Variants in MB21D2 observed in about 807,000 individuals in gnomAD.
The protein encoded by MB21D2 is Mab-21 domain containing 2.
MB21D2 carries 9 observed loss-of-function variants against 33.3 expected under a neutral mutation model. That is an observed-to-expected ratio of 0.27 (90% CI 0.16 to 0.47). MB21D2 has a LOEUF of 0.47. Among genes scored for constraint, MB21D2 ranks in the 20% least tolerant of loss-of-function variants. The pLI is 0.99. For synonymous variants in MB21D2, 241 were observed against 236.3 expected (o/e 1.02, Z -0.18); for missense variants, 540 against 624.6 (o/e 0.86, Z 1.44).
At chr3:192,806,122 T>A (rs1465367037) in intron 1 of MB21D2, among the ~76,000 whole-genome samples, 2 of 152,196 alleles carry the variant, frequency 1.3e-5, no homozygotes, top group African/African-American at 4.8e-5. Flanking sequence ...TAGCTCTTTC[T>A]TGTCCTCTCA....
chr3:192,869,139 C>T (rs1019865063), intron 1 of MB21D2, among the ~76,000 whole-genome samples: 1 of 151,824 alleles, frequency 6.6e-6, no homozygotes, highest in Non-Finnish European at 1.5e-5. Flanking sequence ...CCCTGTAATC[C>T]CACTTACTCA....
At chr3:192,917,100 G>C (rs1333017627) in intron 1 of MB21D2, among the ~76,000 whole-genome samples, 4 of 152,228 alleles carry the variant, frequency 2.6e-5, no homozygotes, top group African/African-American at 9.6e-5. Flanking sequence ...TTTGGCCACC[G>C]GGGGCTCGGC....
At chr3:192,878,859 G>A (rs1713499394) in intron 1 of MB21D2, among the ~76,000 whole-genome samples, 3 of 152,230 alleles carry the variant, frequency 2.0e-5, no homozygotes, top group Admixed American at 1.3e-4. Flanking sequence ...AGCTACTGGG[G>A]AGGCTGAGGC....
intron 1 of MB21D2, among the ~76,000 whole-genome samples, chr3:192,898,298 T>C (rs1714021876): frequency 6.6e-6 from 1 of 151,422 alleles, no homozygotes; most frequent in African/African-American, 2.4e-5. Flanking sequence ...TTAAGCATCC[T>C]CCTGCCTCAA....
intron 1 of MB21D2, among the ~76,000 whole-genome samples, chr3:192,875,546 C>T (rs1376879160): frequency 3.3e-5 from 5 of 152,012 alleles, no homozygotes; most frequent in African/African-American, 1.2e-4. Flanking sequence ...TATGTTTATA[C>T]AGCAATAATA....
chr3:192,886,083 C>T (rs1713726228), intron 1 of MB21D2, among the ~76,000 whole-genome samples: 1 of 151,996 alleles, frequency 6.6e-6, no homozygotes, highest in Non-Finnish European at 1.5e-5. Flanking sequence ...CCTCAGCCTC[C>T]CAAGTAGCTG....
At chr3:192,845,265 GTAAACT>G (rs1712655502) in intron 1 of MB21D2, among the ~76,000 whole-genome samples, 1 of 152,198 alleles carries the variant, frequency 6.6e-6, no homozygotes, top group Non-Finnish European at 1.5e-5. Context: ...CAGGGTAAAA[GTAAACT>G]CCGACCGCTT....
intron 1 of MB21D2, among the ~76,000 whole-genome samples, chr3:192,916,146 G>A (rs1714461653): frequency 6.8e-6 from 1 of 147,168 alleles, no homozygotes; most frequent in Admixed American, 6.8e-5. Context: ...CATCTACATA[G>A]TTGAACGGCT....
At chr3:192,828,986 T>C (rs1471798120) in intron 1 of MB21D2, among the ~76,000 whole-genome samples, 1 of 151,984 alleles carries the variant, frequency 6.6e-6, no homozygotes, top group South Asian at 2.1e-4. Context: ...TTCGGTAAGT[T>C]TGGCAAAGGT....
rs149709171 is a variant in MB21D2, at chr3:192,829,174, A to G, written c.212-29524T>C. ...TAAATGACACAGTACGTAGCCTTTT[A>G]TAACTAGTTTCTTTCACTTAGCATG... On this transcript the variant is annotated intron_variant, in intron 1 of 1. Coordinates refer to ENST00000392452, the MANE Select transcript of MB21D2 (RefSeq NM_178496.4). 2.9e-3 allele frequency among the ~76,000 whole-genome samples: 439 copies of G among 152,288 alleles called. 2 individuals are homozygous for G. Among genetic ancestry groups the G allele is most frequent in the African/African-American group, 9.8e-3 (407 of 41,548 alleles).
intron 1 of MB21D2, among the ~76,000 whole-genome samples, chr3:192,819,353 G>T (rs1251281696): frequency 6.6e-6 from 1 of 152,200 alleles, no homozygotes; most frequent in East Asian, 1.9e-4. Flanking sequence ...CAAAACACTG[G>T]CTTTTCACGG....
intron 1 of MB21D2, among the ~76,000 whole-genome samples, chr3:192,909,831 C>T (rs1451003397): frequency 6.7e-6 from 1 of 148,350 alleles, no homozygotes; most frequent in Non-Finnish European, 1.5e-5. Context: ...ACTCCAGAGG[C>T]TGAGGCAGGA....
chr3:192,811,907 C>T (rs1422812823), intron 1 of MB21D2, among the ~76,000 whole-genome samples: 2 of 152,200 alleles, frequency 1.3e-5, no homozygotes, highest in Non-Finnish European at 2.9e-5. Context: ...AACAAAGTTT[C>T]TCTTTCAGCC....
At position 192,896,722 on chromosome 3, in the gene MB21D2, A is replaced by G. The variant is rs549405185; in HGVS notation, c.211+20908T>C. ...TTAGCAGTTCATGGATATTAGCAACACCAAAATAATTACCATCATTGGCTA... is the reference window on the plus strand; with the variant it reads ...TTAGCAGTTCATGGATATTAGCAACGCCAAAATAATTACCATCATTGGCTA... On this transcript the variant is annotated intron_variant, in intron 1 of 1. Coordinates refer to ENST00000392452, the MANE Select transcript of MB21D2 (RefSeq NM_178496.4). Among the ~76,000 whole-genome samples, 157 of 152,340 alleles carry G rather than the reference A, an allele frequency of 1.0e-3. 1 individual carries two copies. The highest frequency in any genetic ancestry group is 3.6e-3 in the African/African-American group (149 of 41,582).
chr3:192,916,098 T>TATATATATATATATATATATA (rs1714458733), intron 1 of MB21D2, among the ~76,000 whole-genome samples: 2 of 139,174 alleles, frequency 1.4e-5, no homozygotes, highest in African/African-American at 2.8e-5. Context: ...CTACCAGGTT[T>TATATATATATATATATATATA]TATATATATA....
intron 1 of MB21D2, among the ~76,000 whole-genome samples, chr3:192,837,087 C>A (rs1178674736): frequency 2.6e-5 from 4 of 152,044 alleles, no homozygotes; most frequent in African/African-American, 9.7e-5. Flanking sequence ...CATTGAAGAA[C>A]TAAAAAATAC....
At chr3:192,813,863 T>C (rs1375898881) in intron 1 of MB21D2, among the ~76,000 whole-genome samples, 1 of 152,170 alleles carries the variant, frequency 6.6e-6, no homozygotes, top group African/African-American at 2.4e-5. Context: ...TCTATGATGG[T>C]TATAGCCAGA....
At chr3:192,840,825 G>A (rs567268211) in intron 1 of MB21D2, among the ~76,000 whole-genome samples, 7 of 152,280 alleles carry the variant, frequency 4.6e-5, no homozygotes, top group South Asian at 4.1e-4. Context: ...AACTTTTCCC[G>A]CCTGAAGATT....
intron 1 of MB21D2, among the ~76,000 whole-genome samples, chr3:192,833,236 C>A (rs1189266028): frequency 2.6e-5 from 4 of 152,036 alleles, no homozygotes; most frequent in South Asian, 4.1e-4. Flanking sequence ...AAATGCTAAC[C>A]CTATCTTGGC....
Sources: gnomAD v4.1 joint callset for allele counts (sites outside exome capture counted in the v4.1 genomes callset) on GRCh38, gnomAD v4.1.1 for gene constraint, MANE v1.5 for transcripts, NCBI Gene and HGNC (gene_info 2026-07-23, HGNC 2026-07-21) for gene names.